DISC1: variants seen among roughly 807,000 people sequenced by gnomAD.
DISC1 encodes the protein DISC1 scaffold protein.
DISC1 carries 57 observed loss-of-function variants against 84.5 expected under a neutral mutation model. The observed-to-expected ratio is 0.67, with a 90% CI of 0.55 to 0.84. The LOEUF (loss-of-function observed/expected upper bound fraction) is 0.84. DISC1 is among the 40% of genes least tolerant of loss of function. DISC1 has a pLI of 0.00. For missense variants in DISC1, 1,000 were observed against 1,057.8 expected, an observed-to-expected ratio of 0.95 and a Z score of 0.76; for synonymous variants, 411 against 415.2, an observed-to-expected ratio of 0.99 and a Z score of 0.12.
At chr1:231,869,938 G>T (rs201938746) in intron 9 of DISC1, among the ~76,000 whole-genome samples, 2 of 152,106 alleles carry the variant, frequency 1.3e-5, no homozygotes, top group South Asian at 4.1e-4. Flanking sequence ...GGGAGAGCCC[G>T]TGTATGAAAA....
At chr1:231,780,039 A>G (rs945387025) in intron 6 of DISC1, among the ~76,000 whole-genome samples, 5 of 151,538 alleles carry the variant, frequency 3.3e-5, no homozygotes, top group Non-Finnish European at 2.9e-5. Flanking sequence ...GTGAACAATG[A>G]GGTCACATGG....
chr1:231,710,057 G>A (rs995927905), intron 3 of DISC1, among the ~76,000 whole-genome samples: 1 of 152,074 alleles, frequency 6.6e-6, no homozygotes, highest in African/African-American at 2.4e-5. Flanking sequence ...CAGTGACTTC[G>A]ATCATCTGGA....
chr1:231,855,324 A>G, intron 9 of DISC1: 3 of 947,556 alleles, frequency 3.2e-6, no homozygotes, highest in Non-Finnish European at 3.8e-6. Context: ...TATATAATAC[A>G]TACAATTTTT....
chr1:231,928,602 T>C (rs2090481240), intron 9 of DISC1, among the ~76,000 whole-genome samples: 1 of 152,230 alleles, frequency 6.6e-6, no homozygotes, highest in Non-Finnish European at 1.5e-5. Flanking sequence ...CTGCTAACTT[T>C]TGAATTTATT....
At chr1:231,749,287 C>T (rs928443431) in intron 3 of DISC1, among the ~76,000 whole-genome samples, 2 of 152,200 alleles carry the variant, frequency 1.3e-5, no homozygotes, top group African/African-American at 4.8e-5. Flanking sequence ...CATCTGCTGA[C>T]AGCACTCTTC....
intron 8 of DISC1, among the ~76,000 whole-genome samples, chr1:231,812,087 G>C (rs1160887938): frequency 6.6e-6 from 1 of 152,138 alleles, no homozygotes; most frequent in Non-Finnish European, 1.5e-5. Context: ...ATGGGGTCTT[G>C]CTCTGTTGCT....
At chr1:231,888,771 C>A (rs1004492266) in intron 9 of DISC1, among the ~76,000 whole-genome samples, 4 of 151,586 alleles carry the variant, frequency 2.6e-5, no homozygotes, top group African/African-American at 9.7e-5. Flanking sequence ...AGAGTGTCCA[C>A]CCCAGTGCCC....
Position 231,698,752 on chromosome 1 carries a change from A to G in DISC1, c.1048-3203A>G, listed in dbSNP as rs941961906. Reference sequence around the variant, plus strand: ...ATGATACCATCATTTGGGTGTGGCGATGGTAATGCTATAGCTTTATGTGGC... The same window carrying G: ...ATGATACCATCATTTGGGTGTGGCGGTGGTAATGCTATAGCTTTATGTGGC... On this transcript the variant is annotated intron_variant, in intron 2 of 12. Transcript: ENST00000439617. The surrounding 1 kb of genome is among the most constrained non-coding windows in gnomAD (Gnocchi z 4.9). 2.6e-5 allele frequency among the ~76,000 whole-genome samples: 4 copies of G among 152,146 alleles called. No individual in the cohort carries two copies. Among genetic ancestry groups the G allele is most frequent in the African/African-American group, 9.7e-5 (4 of 41,416 alleles).
In DISC1 at chr1:231,955,577, C is replaced by G. The variant is rs541505799; in HGVS notation, c.1982-3251C>G. ...CGATCTCGGCTCACTGCAACCTCCGCCTCCCACGTTCAAGGGATTCTTCTG... is the reference window on the plus strand; with the variant it reads ...CGATCTCGGCTCACTGCAACCTCCGGCTCCCACGTTCAAGGGATTCTTCTG... On this transcript the variant is annotated intron_variant, in intron 9 of 12. Transcript: ENST00000439617. Among the ~76,000 whole-genome samples, 5 of 151,850 alleles carry G rather than the reference C, an allele frequency of 3.3e-5. No homozygotes were observed. In the South Asian group the frequency reaches 1.0e-3, roughly 32 times the overall value.
chr1:231,907,169 C>CTT (rs1475391448), intron 9 of DISC1, among the ~76,000 whole-genome samples: 1,289 of 121,316 alleles, frequency 0.011, 30 homozygotes, highest in African/African-American at 0.039. Flanking sequence ...TTCTTTCTTT[C>CTT]TCTTTCTTTT....
chr1:232,027,180 AAC>A (rs1669558434), intron 12 of DISC1, among the ~76,000 whole-genome samples: 1 of 152,254 alleles, frequency 6.6e-6, no homozygotes, highest in African/African-American at 2.4e-5. Flanking sequence ...GGTGAAGGAA[AAC>A]AGTTGACTGG....
At chr1:232,028,860 GA>G (rs1669728714) in intron 12 of DISC1, among the ~76,000 whole-genome samples, 1 of 152,176 alleles carries the variant, frequency 6.6e-6, no homozygotes. Flanking sequence ...TGGCTTAGAT[GA>G]AAAGTCATTT....
At chr1:231,870,976 G>A (rs2085414508) in intron 9 of DISC1, among the ~76,000 whole-genome samples, 1 of 66,306 alleles carries the variant, frequency 1.5e-5, no homozygotes. Flanking sequence ...TCTCAGTTTT[G>A]TAATATGTAC....
intron 10 of DISC1, among the ~76,000 whole-genome samples, chr1:231,982,209 T>C (rs1663706884): frequency 6.6e-6 from 1 of 152,106 alleles, no homozygotes; most frequent in Non-Finnish European, 1.5e-5. Context: ...ATTCCAGGAT[T>C]TTAAGCGTCG....
chr1:231,838,554 C>T (rs2082791390), intron 9 of DISC1, among the ~76,000 whole-genome samples: 1 of 152,192 alleles, frequency 6.6e-6, no homozygotes, highest in South Asian at 2.1e-4. Context: ...GGACTCCTTT[C>T]TTCTCTCTTC....
chr1:231,808,240 T>G (rs575462816), intron 8 of DISC1, among the ~76,000 whole-genome samples: 1 of 152,322 alleles, frequency 6.6e-6, no homozygotes, highest in Non-Finnish European at 1.5e-5. Context: ...CAGGTGGTTT[T>G]AATGTCCTGT....
At chr1:231,643,885 G>A (rs952364143) in intron 1 of DISC1, among the ~76,000 whole-genome samples, 3 of 152,138 alleles carry the variant, frequency 2.0e-5, no homozygotes, top group Non-Finnish European at 4.4e-5. Flanking sequence ...TGAGGATGGC[G>A]AGCCTTTTTC....
chr1:231,906,360 C>T (rs774173356), intron 9 of DISC1, among the ~76,000 whole-genome samples: 4 of 152,110 alleles, frequency 2.6e-5, no homozygotes, highest in Admixed American at 1.3e-4. Context: ...GTGAGAGAGA[C>T]GTAAGTACAA....
chr1:231,741,879 A>G (rs149520663), intron 3 of DISC1, among the ~76,000 whole-genome samples: 85 of 152,300 alleles, frequency 5.6e-4, no homozygotes, highest in African/African-American at 2.0e-3. Flanking sequence ...TTTCATTTCC[A>G]GGTCCTGGCT....
Sources: allele counts gnomAD v4.1 joint callset (sites outside exome capture counted in the v4.1 genomes callset), GRCh38; gene constraint gnomAD v4.1.1; non-coding constraint Gnocchi (gnomAD v3.1); transcripts MANE v1.5; gene names NCBI Gene and HGNC (gene_info 2026-07-23, HGNC 2026-07-21).